The following SCN11A variants were observed in gnomAD, a reference collection of about 807,000 sequenced individuals.
The protein encoded by SCN11A is sodium channel protein type 11 subunit alpha.
A neutral mutation model predicts 162.2 loss-of-function variants in SCN11A; 122 were observed. That is an observed-to-expected ratio of 0.75 (90% CI 0.65 to 0.87). The LOEUF is 0.87. Ranked by LOEUF, SCN11A falls within the 40% of genes least tolerant of loss-of-function variation. The pLI is 0.00. For missense variants in SCN11A, 2,015 were observed against 2,181.6 expected, an observed-to-expected ratio of 0.92 and a Z score of 1.52; for synonymous variants, 758 against 751.5, an observed-to-expected ratio of 1.01 and a Z score of -0.14.
chr3:39,022,870 C>A (rs1041182822), intron 2 of SCN11A, among the ~76,000 whole-genome samples: 5 of 151,242 alleles, frequency 3.3e-5, no homozygotes, highest in Non-Finnish European at 7.4e-5. Context: ...CAGAGCAAGA[C>A]CCTGTCTCAA....
chr3:39,041,564 G>A (rs1326561866), intron 1 of SCN11A, among the ~76,000 whole-genome samples: 1 of 152,132 alleles, frequency 6.6e-6, no homozygotes, highest in Non-Finnish European at 1.5e-5. Flanking sequence ...TCAAAGTGCT[G>A]TAAGAAAAAA....
chr3:39,048,792 T>C (rs1246924457), intron 1 of SCN11A, among the ~76,000 whole-genome samples: 1 of 152,238 alleles, frequency 6.6e-6, no homozygotes, highest in African/African-American at 2.4e-5. Flanking sequence ...CAACCAGATT[T>C]TTCTTCTTCG....
rs1263711965 is a variant in SCN11A at position 38,894,539 on chromosome 3, T to C, written c.2829A>G (p.Glu943=). Reference sequence around the variant, plus strand: ...TATGTGTGAACCTTCATACCTGTTGTTCAGGCTCAGGTTGTGTGATGCGCT... The same window carrying C: ...TATGTGTGAACCTTCATACCTGTTGCTCAGGCTCAGGTTGTGTGATGCGCT... ...NAQRITQPEP[E]QQAYELHQEN... The change falls in exon 19 of 30, where the codon GAA becomes GAG. Residue 943 remains glutamate, a synonymous_variant. Coordinates refer to ENST00000302328, the MANE Select transcript of SCN11A (RefSeq NM_001349253.2). 8.1e-6 allele frequency: 13 copies of C among 1,601,144 alleles called. No homozygotes were observed. Among genetic ancestry groups the C allele is most frequent in the Non-Finnish European group, 1.1e-5 (13 of 1,174,038 alleles).
At chr3:38,937,830 C>T (rs1425160020) in intron 7 of SCN11A, among the ~76,000 whole-genome samples, 1 of 152,214 alleles carries the variant, frequency 6.6e-6, no homozygotes, top group Non-Finnish European at 1.5e-5. Context: ...GGCGATTCCT[C>T]GGGGACCTAG....
chr3:38,992,907 G>C (rs1457755444), intron 2 of SCN11A, among the ~76,000 whole-genome samples: 2 of 152,092 alleles, frequency 1.3e-5, no homozygotes, highest in Non-Finnish European at 2.9e-5. Flanking sequence ...TCAGCTGTGG[G>C]CCAGGCTGAG....
chr3:38,955,612 C>T (rs1290539868), intron 3 of SCN11A, among the ~76,000 whole-genome samples: 2 of 152,168 alleles, frequency 1.3e-5, no homozygotes, highest in South Asian at 2.1e-4. Context: ...TACAGAAATA[C>T]TTAATTCTGA....
intron 7 of SCN11A, among the ~76,000 whole-genome samples, chr3:38,941,357 A>C (rs2066440236): frequency 6.6e-6 from 1 of 152,208 alleles, no homozygotes; most frequent in Non-Finnish European, 1.5e-5. Context: ...GATCAATATA[A>C]ACTGAGAATG....
At chr3:38,882,718 C>T (rs2065329945) in intron 22 of SCN11A, among the ~76,000 whole-genome samples, 1 of 152,128 alleles carries the variant, frequency 6.6e-6, no homozygotes, top group Admixed American at 6.5e-5. Flanking sequence ...TCATACCACA[C>T]TTTGACCATG....
chr3:38,918,009 A>T (rs952206851), intron 11 of SCN11A, among the ~76,000 whole-genome samples: 56 of 152,116 alleles, frequency 3.7e-4, no homozygotes, highest in African/African-American at 1.3e-3. Flanking sequence ...ATCACACTTG[A>T]TTCATTTTGT....
chr3:38,979,232 G>A (rs1349945551), intron 2 of SCN11A, among the ~76,000 whole-genome samples: 1 of 149,838 alleles, frequency 6.7e-6, no homozygotes, highest in Non-Finnish European at 1.5e-5. Context: ...GAGTGAATGA[G>A]TGACTGAATG....
intron 7 of SCN11A, among the ~76,000 whole-genome samples, chr3:38,932,334 G>C (rs1055083581): frequency 7.9e-5 from 12 of 152,202 alleles, no homozygotes; most frequent in Non-Finnish European, 1.3e-4. Context: ...CTGAGGTAAC[G>C]GGTTCATCTC....
At chr3:38,980,300 A>G (rs1274238744) in intron 2 of SCN11A, among the ~76,000 whole-genome samples, 1 of 152,172 alleles carries the variant, frequency 6.6e-6, no homozygotes, top group Admixed American at 6.5e-5. Context: ...TCCTGGGAAA[A>G]CCATGGAAAA....
chr3:38,950,237 G>T lies in SCN11A; in HGVS notation c.126C>A (p.Asp42Glu), dbSNP rs745684383. 3.1e-6 allele frequency: 5 copies of T among 1,613,966 alleles called. No individual in the cohort carries two copies. In the South Asian group the frequency reaches 4.4e-5, roughly 14 times the overall value. ...GAGGCTGGGGTACTTCTCCTGTCTG[G>T]TCTTTAGACTTCTTTTTCTCCTTTT... is the stretch of plus-strand genomic sequence containing the variant. Reference protein sequence around the residue: ...AIQKEKKKSKDQTGEVPQPRP... With the variant: ...AIQKEKKKSKEQTGEVPQPRP... Residue 42 changes from aspartate (D) to glutamate (E), a missense_variant, in exon 5 of 30, where the codon GAC (aspartate) becomes GAA (glutamate). Transcript: ENST00000302328.
chr3:38,997,105 T>A (rs2030668649), intron 2 of SCN11A, among the ~76,000 whole-genome samples: 1 of 152,206 alleles, frequency 6.6e-6, no homozygotes, highest in African/African-American at 2.4e-5. Context: ...TAAAGTCATG[T>A]CATGTCACTG....
At chr3:39,036,868 T>C (rs912925601) in intron 1 of SCN11A, among the ~76,000 whole-genome samples, 1 of 152,228 alleles carries the variant, frequency 6.6e-6, no homozygotes, top group Non-Finnish European at 1.5e-5. Flanking sequence ...TCATATACTG[T>C]TAGTGGGAAT....
intron 2 of SCN11A, among the ~76,000 whole-genome samples, chr3:39,022,586 A>C (rs1274703703): frequency 4.6e-5 from 7 of 152,216 alleles, no homozygotes; most frequent in Non-Finnish European, 8.8e-5. Context: ...TCCTGAGTTA[A>C]ACACAGTTTT....
At chr3:38,911,564 C>T (rs901428569) in intron 11 of SCN11A, among the ~76,000 whole-genome samples, 1 of 152,136 alleles carries the variant, frequency 6.6e-6, no homozygotes, top group Non-Finnish European at 1.5e-5. Context: ...GGTAAATTCT[C>T]TGCATCATTT....
intron 2 of SCN11A, among the ~76,000 whole-genome samples, chr3:38,966,581 A>G (rs983608050): frequency 5.3e-5 from 8 of 152,182 alleles, no homozygotes; most frequent in Non-Finnish European, 8.8e-5. Context: ...ATCACCTTGA[A>G]TATTTATTAT....
At chr3:38,947,660 C>T (rs75645528) in intron 5 of SCN11A, among the ~76,000 whole-genome samples, 9,449 of 152,192 alleles carry the variant, frequency 0.062, 331 homozygotes, top group Middle Eastern at 0.092. Context: ...TTAAAGAACA[C>T]TGAACCTCTG....
Sources: allele counts gnomAD v4.1 joint callset (sites outside exome capture counted in the v4.1 genomes callset), GRCh38; gene constraint gnomAD v4.1.1; transcripts MANE v1.5; gene names NCBI Gene and HGNC (gene_info 2026-07-23, HGNC 2026-07-21).